Variants in BBC3 observed in about 807,000 individuals in gnomAD.
BBC3 encodes BCL2 binding component 3, also known as bcl-2-binding component 3.
Under a neutral mutation model 18.2 loss-of-function variants are expected in BBC3, and 5 were observed. The ratio of observed to expected loss-of-function variants is 0.27; its 90% CI spans 0.14 to 0.58. The LOEUF is 0.58. BBC3 is among the 20% of genes least tolerant of loss of function. BBC3 has a pLI of 0.91. For synonymous variants in BBC3, 119 were observed against 128.0 expected, an observed-to-expected ratio of 0.93 and a Z score of 0.47; for missense variants, 224 against 268.9, an observed-to-expected ratio of 0.83 and a Z score of 1.17.
chr19:47,224,579 T>C (rs2058788725), intron 3 of BBC3, among the ~76,000 whole-genome samples: 1 of 152,078 alleles, frequency 6.6e-6, no homozygotes, highest in African/African-American at 2.4e-5. Context: ...GGAGCTGTGA[T>C]TGAACCACGG....
intron 3 of BBC3, among the ~76,000 whole-genome samples, chr19:47,224,989 G>A (rs543112777): frequency 4.6e-5 from 7 of 151,762 alleles, no homozygotes; most frequent in African/African-American, 1.7e-4. Flanking sequence ...TCGGCTCACC[G>A]CAACCTCTGC....
rs766426015 is a variant in BBC3, at chr19:47,228,770, A to C, written c.-15-324T>G. ...GTATGAGGGCTGTGACAGTCCCACAACACAAACTCACTCCACTTGGGACTC... is the reference window on the plus strand; with the variant it reads ...GTATGAGGGCTGTGACAGTCCCACACCACAAACTCACTCCACTTGGGACTC... On this transcript the variant is annotated intron_variant, in intron 1 of 3. Transcript: ENST00000439096. This position sits in a 1 kb window ranked among gnomAD's most constrained non-coding sequence, Gnocchi z 5.5. 1.3e-5 allele frequency among the ~76,000 whole-genome samples: 2 copies of C among 151,986 alleles called. No homozygotes were observed. The highest frequency in any genetic ancestry group is 2.9e-5 in the Non-Finnish European group (2 of 67,984).
At position 47,221,861 on chromosome 19, in the gene BBC3, T is replaced by C; in HGVS notation, c.523A>G (p.Ile175Val). The change falls in exon 4 of 4, where the codon ATC (isoleucine) becomes GTC (valine). Residue 175 changes from isoleucine to valine, a missense_variant. Transcript: ENST00000439096. ...CTGGGTAAGGGCAGGAGTCCCATGA[T>C]GAGATTGTACAGGACCCTCCAGGGT... is the stretch of plus-strand genomic sequence containing the variant. ...PSPWRVLYNL[I>V]MGLLPLPRGH... 6.2e-7 allele frequency: 1 copy of C among 1,603,964 alleles called. No individual in the cohort carries two copies. Among genetic ancestry groups the C allele is most frequent in the Non-Finnish European group, 8.5e-7 (1 of 1,171,328 alleles).
In BBC3 at chr19:47,226,619, A is replaced by T; in HGVS notation, c.410T>A (p.Ile137Asn). 3 of 1,575,054 alleles carry T rather than the reference A, an allele frequency of 1.9e-6. No homozygotes were observed. Among genetic ancestry groups the T allele is most frequent in the Non-Finnish European group, 2.6e-6 (3 of 1,163,146 alleles). The change falls in exon 3 of 4, where the codon ATC becomes AAC. Residue 137 changes from isoleucine (I) to asparagine (N), a missense_variant. Coordinates refer to ENST00000439096, the MANE Select transcript of BBC3 (RefSeq NM_014417.5). ...RGEEEQWARE[I>N]GAQLRRMADD... ...CGCCATCCGCCGCAGCTGGGCCCCG[A>T]TCTCCCGGGCCCACTGTTCCTCCTC...
rs1272445133 is a variant in BBC3, at chr19:47,226,694, G to A, written c.335C>T (p.Pro112Leu). 2.0e-6 allele frequency: 3 copies of A among 1,482,124 alleles called. No homozygotes were observed. Among genetic ancestry groups the A allele is most frequent in the Non-Finnish European group, 2.7e-6 (3 of 1,118,824 alleles). The allele number at this position is 1,482,124 out of a possible 1,614,324, so 91.8% of individuals were successfully genotyped here. A position where few individuals can be genotyped will look rare whatever the true frequency, so the allele number is the denominator to read the frequency against. ...QHLESPVPSA[P>L]GALAGGPTQA... ...GGTGGGACCGCCCGCCAGAGCCCCC[G>A]GGGCGCTGGGCACGGGCGACTCCAG... Residue 112 changes from proline (P) to leucine (L), a missense_variant, in exon 3 of 4, where the codon CCG becomes CTG. Pro to Leu is a moderately conservative substitution (Grantham distance 98). Coordinates refer to ENST00000439096, the MANE Select transcript of BBC3 (RefSeq NM_014417.5).
upstream of BBC3, chr19:47,232,421 C>T: frequency 9.5e-7 from 1 of 1,047,992 alleles, no homozygotes; most frequent in Non-Finnish European, 1.4e-6. Flanking sequence ...AGAAACTGAC[C>T]ACCCACACAT....
chr19:47,231,166 G>A lies in BBC3; in HGVS notation c.-253C>T. The A allele has an allele frequency of 2.0e-6, 2 of 982,222 alleles. No individual in the cohort carries two copies. Among genetic ancestry groups the A allele is most frequent in the Non-Finnish European group, 2.4e-6 (2 of 829,558 alleles). 60.8% of individuals were successfully genotyped at this position (982,222 alleles called of 1,614,324 possible). Reference sequence around the variant, plus strand: ...GCTGGTGCCGCCGCCGCCGCCGCCAGGCGCCCGCTCGCATGTGGCTCGCGC... The same window carrying A: ...GCTGGTGCCGCCGCCGCCGCCGCCAAGCGCCCGCTCGCATGTGGCTCGCGC... On this transcript the variant is annotated 5_prime_UTR_variant, in exon 1 of 4. Transcript: ENST00000439096. This position sits in a 1 kb window ranked among gnomAD's most constrained non-coding sequence, Gnocchi z 4.0.
chr19:47,230,426 C>T lies in BBC3; in HGVS notation c.-16+503G>A, dbSNP rs566812238. On this transcript the variant is annotated intron_variant, in intron 1 of 3. Coordinates refer to ENST00000439096, the MANE Select transcript of BBC3 (RefSeq NM_014417.5). The surrounding 1 kb of genome is among the most constrained non-coding windows in gnomAD (Gnocchi z 6.7). ...CCCCCCCCACCGCCGCCACGTGCGC[C>T]CGCCCCGCCCGCCAGGCGAGCGCGG... 2.0e-5 allele frequency among the ~76,000 whole-genome samples: 3 copies of T among 151,664 alleles called. No individual in the cohort carries two copies. Among genetic ancestry groups the T allele is most frequent in the Non-Finnish European group, 4.4e-5 (3 of 67,696 alleles).
chr19:47,226,612 G>C lies in BBC3; in HGVS notation c.417C>G (p.Ala139=). ...GGTCGTCCGCCATCCGCCGCAGCTG[G>C]GCCCCGATCTCCCGGGCCCACTGTT... ...EEEQWAREIG[A]QLRRMADDLN... Residue 139 remains alanine, a synonymous_variant, in exon 3 of 4, where the codon GCC becomes GCG. Coordinates refer to ENST00000439096, the MANE Select transcript of BBC3 (RefSeq NM_014417.5). 6.3e-7 allele frequency: 1 copy of C among 1,579,168 alleles called. No individual in the cohort carries two copies. Among genetic ancestry groups the C allele is most frequent in the South Asian group, 1.1e-5 (1 of 87,166 alleles).
At position 47,230,006 on chromosome 19, in the gene BBC3, GAC is replaced by G. The variant is rs1424981058; in HGVS notation, c.-16+921_-16+922del. ...GCACACATATCGCACGCTCGGGCAA[GAC>G]ACACACATAAACACACAAACAGCTC... On this transcript the variant is annotated intron_variant, in intron 1 of 3. Transcript: ENST00000439096. The surrounding 1 kb of genome is among the most constrained non-coding windows in gnomAD (Gnocchi z 6.7). Among the ~76,000 whole-genome samples the G allele has an allele frequency of 1.3e-5, 2 of 151,608 alleles. No individual in the cohort carries two copies. Among genetic ancestry groups the G allele is most frequent in the Admixed American group, 6.6e-5 (1 of 15,210 alleles).
rs2058875142 is a variant in BBC3, at chr19:47,228,893, A to C, written c.-15-447T>G. ...AGGCCCCCACAGCACACACACAAGGACTCACACGGGACTGGCCAGCCTGAC... is the reference window on the plus strand; with the variant it reads ...AGGCCCCCACAGCACACACACAAGGCCTCACACGGGACTGGCCAGCCTGAC... On this transcript the variant is annotated intron_variant, in intron 1 of 3. Transcript: ENST00000439096. The surrounding 1 kb of genome is among the most constrained non-coding windows in gnomAD (Gnocchi z 5.5). 6.6e-6 allele frequency among the ~76,000 whole-genome samples: 1 copy of C among 151,644 alleles called. No individual in the cohort carries two copies. The highest frequency in any genetic ancestry group is 2.4e-5 in the African/African-American group (1 of 41,232).
intron 3 of BBC3, 122 bp from the exon 4 acceptor site, chr19:47,222,040 C>T: frequency 2.3e-6 from 2 of 865,818 alleles, no homozygotes; most frequent in East Asian, 3.0e-5. Flanking sequence ...GCTCCTCCCC[C>T]CGCCTGGGCT....
Position 47,228,925 on chromosome 19 carries a change from C to T in BBC3, c.-15-479G>A, listed in dbSNP as rs1290411674. ...CGGGACTGGCCAGCCTGACCGCCCA[C>T]CCCACCTCCCACTTGCACACAAACA... On this transcript the variant is annotated intron_variant, in intron 1 of 3. Transcript: ENST00000439096. The surrounding 1 kb of genome is among the most constrained non-coding windows in gnomAD (Gnocchi z 5.5). Among the ~76,000 whole-genome samples, 1 of 152,034 alleles carries T rather than the reference C, an allele frequency of 6.6e-6. No homozygotes were observed. The highest frequency in any genetic ancestry group is 2.4e-5 in the African/African-American group (1 of 41,352).
chr19:47,232,725 A>G, upstream of BBC3: 1 of 852,304 alleles, frequency 1.2e-6, no homozygotes, highest in Non-Finnish European at 1.8e-6. Context: ...TCTCCTCTAC[A>G]CTTTCCATCC....
Position 47,221,429 on chromosome 19 carries a change from C to CG in BBC3, c.*372_*373insC, listed in dbSNP as rs2058748696. 8.1e-6 allele frequency: 2 copies of CG among 247,510 alleles called. No homozygotes were observed. The highest frequency in any genetic ancestry group is 9.3e-5 in the South Asian group (1 of 10,696). The allele number at this position is 247,510 out of a possible 1,614,324, so 15.3% of individuals were successfully genotyped here. A position where few individuals can be genotyped will look rare whatever the true frequency, so the allele number is the denominator to read the frequency against. ...GTGAAGGAGCACCGAGAGGAGAGCC[C>CG]CCCCCTCCCAGTGTCACCCCTGCAG... On this transcript the variant is annotated 3_prime_UTR_variant, in exon 4 of 4. Transcript: ENST00000439096.
In BBC3 at chr19:47,221,435, T is replaced by A. The variant is rs2862236; in HGVS notation, c.*367A>T. ...GAGCACCGAGAGGAGAGCCCCCCCC[T>A]CCCAGTGTCACCCCTGCAGCTGGAA... On this transcript the variant is annotated 3_prime_UTR_variant, in exon 4 of 4. Coordinates refer to ENST00000439096, the MANE Select transcript of BBC3 (RefSeq NM_014417.5). 87 of 156,908 alleles carry A rather than the reference T, an allele frequency of 5.5e-4. 10 individuals carry two copies. Among genetic ancestry groups the A allele is most frequent in the East Asian group, 3.1e-3 (11 of 3,516 alleles). 9.7% of individuals were successfully genotyped at this position (156,908 alleles called of 1,614,324 possible).
chr19:47,223,520 T>C (rs1232995235), intron 3 of BBC3, among the ~76,000 whole-genome samples: 2 of 152,080 alleles, frequency 1.3e-5, no homozygotes, highest in Non-Finnish European at 2.9e-5. Flanking sequence ...TGAGCCGAGA[T>C]TGCACCACTG....
At position 47,231,172 on chromosome 19, in the gene BBC3, C is replaced by G. The variant is rs1022489397; in HGVS notation, c.-259G>C. On this transcript the variant is annotated 5_prime_UTR_variant, in exon 1 of 4. Transcript: ENST00000439096. The surrounding 1 kb of genome is among the most constrained non-coding windows in gnomAD (Gnocchi z 4.0). Reference sequence around the variant, plus strand: ...GCCGCCGCCGCCGCCGCCAGGCGCCCGCTCGCATGTGGCTCGCGCCGCGTC... The same window carrying G: ...GCCGCCGCCGCCGCCGCCAGGCGCCGGCTCGCATGTGGCTCGCGCCGCGTC... 22 of 983,954 alleles carry G rather than the reference C, an allele frequency of 2.2e-5. No individual in the cohort carries two copies. The highest frequency in any genetic ancestry group is 2.5e-5 in the Non-Finnish European group (21 of 829,660). The allele number at this position is 983,954 out of a possible 1,614,324, so 61.0% of individuals were successfully genotyped here.
chr19:47,223,921 G>C (rs1345034504), intron 3 of BBC3, among the ~76,000 whole-genome samples: 2 of 152,168 alleles, frequency 1.3e-5, no homozygotes, highest in Admixed American at 1.3e-4. Flanking sequence ...TAAGGTGGAT[G>C]GTGGGCAGAC....
Sources: allele counts gnomAD v4.1 joint callset (sites outside exome capture counted in the v4.1 genomes callset), GRCh38; gene constraint gnomAD v4.1.1; non-coding constraint Gnocchi (gnomAD v3.1); transcripts MANE v1.5; gene names NCBI Gene and HGNC (gene_info 2026-07-23, HGNC 2026-07-21).